The following CTNNA3 variants were observed in gnomAD, a reference collection of about 807,000 sequenced individuals.
The protein encoded by CTNNA3 is catenin alpha-3.
Under a neutral mutation model 95.7 loss-of-function variants are expected in CTNNA3, and 76 were observed. That is an observed-to-expected ratio of 0.79 (90% CI 0.66 to 0.96). The LOEUF is 0.96. Among genes scored for constraint, CTNNA3 ranks in the 40% least tolerant of loss-of-function variants. CTNNA3 has a pLI of 0.00. For synonymous variants in CTNNA3, 431 were observed against 374.4 expected (o/e 1.15, Z -1.74); for missense variants, 1,191 against 1,089.8 (o/e 1.09, Z -1.31).
intron 7 of CTNNA3, among the ~76,000 whole-genome samples, chr10:67,126,374 A>C (rs1859720121): frequency 6.6e-6 from 1 of 152,172 alleles, no homozygotes; most frequent in Admixed American, 6.5e-5. Flanking sequence ...TAAAAATACA[A>C]AAGTCAGCTG....
At chr10:67,057,496 TA>T (rs1855510835) in intron 7 of CTNNA3, among the ~76,000 whole-genome samples, 1 of 152,206 alleles carries the variant, frequency 6.6e-6, no homozygotes, top group Non-Finnish European at 1.5e-5. Flanking sequence ...AGATTGCACA[TA>T]TAAGTGGGAC....
chr10:67,537,798 T>A (rs1410129937), intron 4 of CTNNA3, among the ~76,000 whole-genome samples: 1 of 152,160 alleles, frequency 6.6e-6, no homozygotes, highest in Non-Finnish European at 1.5e-5. Flanking sequence ...GTGTCTGTAT[T>A]CAAATATGAG....
intron 10 of CTNNA3, among the ~76,000 whole-genome samples, chr10:66,566,211 A>C (rs1842700292): frequency 1.3e-5 from 2 of 152,206 alleles, no homozygotes; most frequent in Non-Finnish European, 2.9e-5. Context: ...GAGATAATGA[A>C]GTCCCAAAAT....
intron 16 of CTNNA3, 107 bp downstream of exon 16, chr10:65,988,585 A>G: frequency 2.7e-6 from 2 of 749,360 alleles, no homozygotes; most frequent in South Asian, 3.7e-5. Flanking sequence ...TATAATTTAG[A>G]AAAAATGGTT....
At chr10:66,917,064 A>T (rs1001279425) in intron 7 of CTNNA3, among the ~76,000 whole-genome samples, 1 of 152,142 alleles carries the variant, frequency 6.6e-6, no homozygotes, top group Admixed American at 6.5e-5. Flanking sequence ...TGCAGTGTGT[A>T]GCTATTTTTA....
chr10:67,651,846 C>A (rs1484465987), intron 1 of CTNNA3, among the ~76,000 whole-genome samples: 1 of 152,090 alleles, frequency 6.6e-6, no homozygotes, highest in African/African-American at 2.4e-5. Flanking sequence ...CCTTTATTTA[C>A]AAATTAGGTT....
intron 7 of CTNNA3, among the ~76,000 whole-genome samples, chr10:66,976,615 C>A (rs929808984): frequency 2.6e-5 from 4 of 152,168 alleles, no homozygotes; most frequent in Admixed American, 2.6e-4. Flanking sequence ...CCAAGTTTGG[C>A]ATTTTTGGCC....
chr10:66,070,988 T>C (rs1275205827), intron 14 of CTNNA3, among the ~76,000 whole-genome samples: 4 of 152,144 alleles, frequency 2.6e-5, no homozygotes, highest in Non-Finnish European at 4.4e-5. Flanking sequence ...GGGGGAACAA[T>C]AGCAGCAACA....
At chr10:66,360,743 T>TCTTC (rs779687190) in intron 12 of CTNNA3, among the ~76,000 whole-genome samples, 6 of 38,496 alleles carry the variant, frequency 1.6e-4, no homozygotes, top group Admixed American at 5.1e-4. Flanking sequence ...TTTCTTTCTT[T>TCTTC]CTTCCTTCCT....
intron 9 of CTNNA3, among the ~76,000 whole-genome samples, chr10:66,622,679 A>C (rs932147910): frequency 2.0e-5 from 3 of 152,084 alleles, no homozygotes; most frequent in Non-Finnish European, 4.4e-5. Context: ...TAATTTTTCT[A>C]ACTTTTAAAA....
chr10:67,499,221 G>A (rs1239553958), intron 5 of CTNNA3, among the ~76,000 whole-genome samples: 1 of 152,126 alleles, frequency 6.6e-6, no homozygotes, highest in African/African-American at 2.4e-5. Flanking sequence ...TTCTGTTTAG[G>A]TGATGAATTA....
intron 7 of CTNNA3, among the ~76,000 whole-genome samples, chr10:66,977,644 G>GT (rs1329759056): frequency 1.3e-5 from 2 of 152,196 alleles, no homozygotes; most frequent in Non-Finnish European, 2.9e-5. Context: ...ATTTGTAGAT[G>GT]TAAGCTGGGC....
At chr10:67,049,727 C>T (rs950466876) in intron 7 of CTNNA3, among the ~76,000 whole-genome samples, 4 of 152,224 alleles carry the variant, frequency 2.6e-5, no homozygotes, top group East Asian at 1.9e-4. Context: ...ACTGCCTATT[C>T]GGCCTCAGTC....
chr10:66,071,612 C>T (rs1014448344), intron 14 of CTNNA3, among the ~76,000 whole-genome samples: 4 of 152,134 alleles, frequency 2.6e-5, no homozygotes, highest in Non-Finnish European at 2.9e-5. Context: ...TATACACATT[C>T]TCCATGATGG....
intron 7 of CTNNA3, among the ~76,000 whole-genome samples, chr10:66,822,602 G>A (rs147490254): frequency 2.2e-4 from 34 of 152,176 alleles, no homozygotes; most frequent in African/African-American, 7.5e-4. Flanking sequence ...AAGTTCTGGC[G>A]ACACTTCCAG....
chr10:67,738,437 G>A (rs1290384236), intron 1 of CTNNA3, among the ~76,000 whole-genome samples: 2 of 152,134 alleles, frequency 1.3e-5, no homozygotes, highest in Admixed American at 6.5e-5. Context: ...AACCCCATCT[G>A]TACGTCACCA....
intron 7 of CTNNA3, among the ~76,000 whole-genome samples, chr10:66,991,408 T>C (rs1356654417): frequency 6.6e-6 from 1 of 152,222 alleles, no homozygotes; most frequent in East Asian, 1.9e-4. Flanking sequence ...CAGAAAATTA[T>C]ATCAACACTA....
chr10:66,305,111 G>C (rs759804382), intron 12 of CTNNA3, among the ~76,000 whole-genome samples: 18 of 151,892 alleles, frequency 1.2e-4, no homozygotes, highest in South Asian at 6.3e-4. Context: ...CCCTGATTTC[G>C]GCTAGCCAAG....
chr10:66,565,523 T>C (rs1429066278), intron 10 of CTNNA3, among the ~76,000 whole-genome samples: 1 of 152,094 alleles, frequency 6.6e-6, no homozygotes, highest in African/African-American at 2.4e-5. Flanking sequence ...AGGGGAAATA[T>C]AATTAAACAG....
Sources: gnomAD v4.1 joint callset for allele counts (sites outside exome capture counted in the v4.1 genomes callset) on GRCh38, gnomAD v4.1.1 for gene constraint, MANE v1.5 for transcripts, NCBI Gene and HGNC (gene_info 2026-07-23, HGNC 2026-07-21) for gene names.